Variants in ADGRB3 observed in about 807,000 individuals in gnomAD.
The protein encoded by ADGRB3 is adhesion G protein-coupled receptor B3, also known as brain-specific angiogenesis inhibitor 3.
A neutral mutation model predicts 193.4 loss-of-function variants in ADGRB3; 37 were observed. The ratio of observed to expected loss-of-function variants is 0.19; its 90% CI spans 0.15 to 0.25. The LOEUF is 0.25. Ranked by LOEUF, ADGRB3 falls within the 10% of genes least tolerant of loss-of-function variation. The pLI is 1.00. For missense variants in ADGRB3, 1,637 were observed against 1,852.9 expected (o/e 0.88, Z 2.14); for synonymous variants, 690 against 644.2 (o/e 1.07, Z -1.08).
intron 17 of ADGRB3, among the ~76,000 whole-genome samples, chr6:69,214,775 T>C (rs557360033): frequency 4.0e-5 from 6 of 151,414 alleles, no homozygotes; most frequent in Non-Finnish European, 8.8e-5. Flanking sequence ...TTAAAAGTAA[T>C]GGCAAAAACC....
chr6:69,016,134 G>T (rs1770082913), intron 12 of ADGRB3, among the ~76,000 whole-genome samples: 1 of 151,694 alleles, frequency 6.6e-6, no homozygotes, highest in African/African-American at 2.4e-5. Context: ...GGAAAGAGTT[G>T]CATTTACAAT....
intron 20 of ADGRB3, among the ~76,000 whole-genome samples, chr6:69,281,994 T>A (rs1039245369): frequency 3.9e-5 from 6 of 152,058 alleles, no homozygotes; most frequent in Non-Finnish European, 7.4e-5. Context: ...CTCAAGGTAA[T>A]TGACTACCTT....
Position 69,375,930 on chromosome 6 carries a change from G to A in ADGRB3, c.4275+3489G>A, listed in dbSNP as rs151263620. The stretch of plus-strand genomic sequence containing the variant: ...TGCCCTCCAGTCTGGACAACAAAGT[G>A]AGACTCCATCTCAAAACAAAGTAAA... On this transcript the variant is annotated intron_variant, in intron 30 of 31. Transcript: ENST00000370598. Among the ~76,000 whole-genome samples the A allele has an allele frequency of 2.0e-3, 299 of 151,890 alleles. 1 individual carries two copies. Among genetic ancestry groups the A allele is most frequent in the African/African-American group, 6.4e-3 (264 of 41,448 alleles).
At chr6:68,785,013 G>C (rs541526991) in intron 3 of ADGRB3, among the ~76,000 whole-genome samples, 1 of 152,106 alleles carries the variant, frequency 6.6e-6, no homozygotes, top group African/African-American at 2.4e-5. Flanking sequence ...TTTAATTATG[G>C]ATAATAACCA....
intron 3 of ADGRB3, among the ~76,000 whole-genome samples, chr6:68,652,741 C>A (rs1768396446): frequency 6.6e-6 from 1 of 151,900 alleles, no homozygotes; most frequent in Non-Finnish European, 1.5e-5. Context: ...TTTGATAACC[C>A]TCAAATATTT....
At chr6:68,777,713 G>A (rs2127359713) in intron 3 of ADGRB3, among the ~76,000 whole-genome samples, 1 of 148,576 alleles carries the variant, frequency 6.7e-6, no homozygotes, top group South Asian at 2.1e-4. Context: ...GAGCAGATAT[G>A]CTAATATATA....
chr6:68,886,043 C>G (rs1765897988), intron 3 of ADGRB3, among the ~76,000 whole-genome samples: 1 of 151,942 alleles, frequency 6.6e-6, no homozygotes, highest in Non-Finnish European at 1.5e-5. Context: ...GTGAAGAGTC[C>G]TAGAAAACAA....
intron 20 of ADGRB3, among the ~76,000 whole-genome samples, chr6:69,279,048 C>A (rs993878183): frequency 2.4e-4 from 33 of 136,532 alleles, no homozygotes; most frequent in Non-Finnish European, 4.8e-4. Context: ...CTCAACACCT[C>A]ATATGGCATA....
intron 3 of ADGRB3, among the ~76,000 whole-genome samples, chr6:68,653,381 G>C (rs1161089510): frequency 6.6e-6 from 1 of 152,082 alleles, no homozygotes; most frequent in African/African-American, 2.4e-5. Context: ...GTTGTGGTGT[G>C]CTAAAACGTG....
In ADGRB3 at chr6:69,350,376, G is replaced by T. The variant is rs547640022; in HGVS notation, c.3460-3857G>T. 3.4e-5 allele frequency among the ~76,000 whole-genome samples: 5 copies of T among 149,244 alleles called. No individual in the cohort carries two copies. In the East Asian group the frequency reaches 9.8e-4, roughly 29 times the overall value. On this transcript the variant is annotated intron_variant, in intron 26 of 31. Transcript: ENST00000370598. ...ATATCCCAATATTAGTTACATATCT[G>T]TTCCTTGCTACTCCTGCAGATATTT...
At chr6:68,969,005 A>G (rs1768476758) in intron 8 of ADGRB3, among the ~76,000 whole-genome samples, 1 of 152,098 alleles carries the variant, frequency 6.6e-6, no homozygotes, top group Non-Finnish European at 1.5e-5. Context: ...AAAAAATTTT[A>G]TTGGACAGTG....
intron 20 of ADGRB3, among the ~76,000 whole-genome samples, chr6:69,271,678 T>G (rs1294478195): frequency 6.6e-6 from 1 of 152,106 alleles, no homozygotes; most frequent in African/African-American, 2.4e-5. Flanking sequence ...ATACTTAGTA[T>G]CTCTCTCTTT....
At chr6:68,707,593 T>C (rs1450877351) in intron 3 of ADGRB3, among the ~76,000 whole-genome samples, 1 of 152,182 alleles carries the variant, frequency 6.6e-6, no homozygotes, top group Non-Finnish European at 1.5e-5. Flanking sequence ...CAGTTTTCTG[T>C]ATTTGTGAGA....
Position 68,980,784 on chromosome 6 carries a change from C to T in ADGRB3, c.1734+5444C>T, listed in dbSNP as rs892570188. Among the ~76,000 whole-genome samples, 48 of 151,430 alleles carry T rather than the reference C, an allele frequency of 3.2e-4. 1 individual carries two copies. Among genetic ancestry groups the T allele is most frequent in the African/African-American group, 1.1e-3 (46 of 41,470 alleles). ...AGTGAGCCTGTGAGACAGGAGTTAC[C>T]TGTTCTGCAAATTCTATGTAATATA... On this transcript the variant is annotated intron_variant, in intron 10 of 31. Coordinates refer to ENST00000370598, the MANE Select transcript of ADGRB3 (RefSeq NM_001704.3).
intron 3 of ADGRB3, among the ~76,000 whole-genome samples, chr6:68,925,208 A>G (rs1042824252): frequency 6.6e-6 from 1 of 151,962 alleles, no homozygotes; most frequent in African/African-American, 2.4e-5. Flanking sequence ...AACATTTTTA[A>G]ACACTATTAA....
chr6:68,944,027 T>G, intron 6 of ADGRB3, 33 bp downstream of exon 6: 1 of 1,569,586 alleles, frequency 6.4e-7, no homozygotes, highest in East Asian at 2.3e-5. Context: ...TATGTTTGCA[T>G]TATGTGCTTT....
chr6:69,041,112 G>A (rs1161915867), intron 13 of ADGRB3, among the ~76,000 whole-genome samples: 2 of 152,044 alleles, frequency 1.3e-5, no homozygotes, highest in African/African-American at 4.8e-5. Context: ...TTGTTTCCAG[G>A]GAAGTGATGG....
intron 17 of ADGRB3, among the ~76,000 whole-genome samples, chr6:69,164,397 A>T (rs967224301): frequency 6.6e-6 from 1 of 152,138 alleles, no homozygotes; most frequent in Non-Finnish European, 1.5e-5. Context: ...CAAAGGGGAT[A>T]ATTTAATGAC....
At chr6:68,842,936 A>G (rs764021773) in intron 3 of ADGRB3, among the ~76,000 whole-genome samples, 1 of 152,060 alleles carries the variant, frequency 6.6e-6, no homozygotes, top group Admixed American at 6.6e-5. Context: ...GATCATTTCA[A>G]TCGATGCTGA....
Sources: gnomAD v4.1 joint callset for allele counts (sites outside exome capture counted in the v4.1 genomes callset) on GRCh38, gnomAD v4.1.1 for gene constraint, MANE v1.5 for transcripts, NCBI Gene and HGNC (gene_info 2026-07-23, HGNC 2026-07-21) for gene names.